The following FBXL20 variants were observed in gnomAD, a reference collection of about 807,000 sequenced individuals.
FBXL20 encodes the protein F-box/LRR-repeat protein 20.
FBXL20 carries 11 observed loss-of-function variants against 64.0 expected under a neutral mutation model. The ratio of observed to expected loss-of-function variants is 0.17; its 90% CI spans 0.11 to 0.28. The LOEUF (loss-of-function observed/expected upper bound fraction) is 0.28, where lower values mean the gene tolerates loss of function less well. Among genes scored for constraint, FBXL20 ranks in the 10% least tolerant of loss-of-function variants. FBXL20 has a pLI of 1.00. For synonymous variants in FBXL20, 184 were observed against 189.0 expected (o/e 0.97, Z 0.22); for missense variants, 303 against 526.2 (o/e 0.58, Z 4.15).
intron 1 of FBXL20, among the ~76,000 whole-genome samples, chr17:39,371,733 TCAC>T (rs978334265): frequency 4.2e-4 from 64 of 151,862 alleles, no homozygotes; most frequent in African/African-American, 1.5e-3. Context: ...TGATCTCGGC[TCAC>T]CACAACCTCC....
intron 1 of FBXL20, among the ~76,000 whole-genome samples, chr17:39,365,370 A>C (rs1286046165): frequency 1.3e-5 from 2 of 152,232 alleles, no homozygotes; most frequent in African/African-American, 4.8e-5. Context: ...TCTTGTCCCT[A>C]GCAGAAATAA....
At chr17:39,362,989 CATTTT>C (rs769602820) in intron 1 of FBXL20, among the ~76,000 whole-genome samples, 149 of 151,974 alleles carry the variant, frequency 9.8e-4, no homozygotes, top group Middle Eastern at 3.4e-3. Context: ...CCCTTTCCTA[CATTTT>C]ATTTATTTAT....
chr17:39,401,878 A>C, upstream of FBXL20: 1 of 392,332 alleles, frequency 2.5e-6, no homozygotes, highest in Non-Finnish European at 4.1e-6. Flanking sequence ...CATCGGGAGA[A>C]GGCGAGGCAG....
At chr17:39,393,605 G>C (rs183901284) in intron 1 of FBXL20, among the ~76,000 whole-genome samples, 1 of 152,228 alleles carries the variant, frequency 6.6e-6, no homozygotes, top group East Asian at 1.9e-4. Context: ...GGACAAAAAT[G>C]ATATATAAAT....
intron 1 of FBXL20, among the ~76,000 whole-genome samples, chr17:39,365,672 C>A (rs2047852748): frequency 6.6e-6 from 1 of 151,976 alleles, no homozygotes; most frequent in African/African-American, 2.4e-5. Flanking sequence ...TTATTTTTTT[C>A]TTTTCAGTAT....
intron 1 of FBXL20, among the ~76,000 whole-genome samples, chr17:39,344,099 T>G (rs12936341): frequency 6.6e-6 from 1 of 152,144 alleles, no homozygotes; most frequent in Admixed American, 6.5e-5. Flanking sequence ...CCTGACCTCG[T>G]GATCCACCCG....
Position 39,264,318 on chromosome 17 carries a change from C to A in FBXL20, c.1060G>T (p.Asp354Tyr). The part of the protein sequence containing the change: ...RHLGNGACAH[D>Y]QLEVIELDNC... The stretch of plus-strand genomic sequence containing the variant: ...TCCAGCTCAATCACCTCCAGCTGGT[C>A]ATGGGCGCAGGCCCCATTCCCCAGG... The change falls in exon 14 of 15, where the codon GAC (aspartate) becomes TAC (tyrosine). Residue 354 changes from aspartate (D) to tyrosine (Y), a missense_variant. Physicochemically the swap from Asp to Tyr is radical, Grantham distance 160 (BLOSUM62 -3). Coordinates refer to ENST00000264658, the MANE Select transcript of FBXL20 (RefSeq NM_032875.3). 1 of 1,614,168 alleles carries A rather than the reference C, an allele frequency of 6.2e-7. No individual in the cohort carries two copies. The highest frequency in any genetic ancestry group is 1.1e-5 in the South Asian group (1 of 91,076).
At chr17:39,363,827 C>CAAAAAAAAAAAACAAAAA (rs1555612706) in intron 1 of FBXL20, among the ~76,000 whole-genome samples, 1 of 78,028 alleles carries the variant, frequency 1.3e-5, no homozygotes, top group Non-Finnish European at 2.4e-5. Flanking sequence ...AAAAAAAAAA[C>CAAAAAAAAAAAACAAAAA]AAAAAACAAA....
At chr17:39,295,806 T>TA (rs202244214) in intron 6 of FBXL20, among the ~76,000 whole-genome samples, 36 of 149,458 alleles carry the variant, frequency 2.4e-4, no homozygotes, top group African/African-American at 5.9e-4. Flanking sequence ...TATATATATA[T>TA]TAAGTCTTCT....
At chr17:39,353,656 C>T (rs2047709785) in intron 1 of FBXL20, among the ~76,000 whole-genome samples, 1 of 150,136 alleles carries the variant, frequency 6.7e-6, no homozygotes, top group African/African-American at 2.4e-5. Flanking sequence ...CAGAGTCTCA[C>T]TCTGTTGCCA....
intron 6 of FBXL20, among the ~76,000 whole-genome samples, chr17:39,294,268 C>G (rs935795106): frequency 6.6e-6 from 1 of 151,786 alleles, no homozygotes; most frequent in Non-Finnish European, 1.5e-5. Context: ...AACCACCACA[C>G]CTGGCTGCTT....
At position 39,253,228 on chromosome 17, in the gene FBXL20, A is replaced by G. The variant is rs1214885882; in HGVS notation, c.*8232T>C. ...TGTCCCTGAGCAGAGTCTGACAGGC[A>G]TGGGTAGTCCTCACAGTTCTCTGAG... On this transcript the variant is annotated 3_prime_UTR_variant, in exon 15 of 15. Transcript: ENST00000264658. The G allele has an allele frequency of 2.6e-5, 4 of 152,422 alleles. No individual in the cohort carries two copies. Among genetic ancestry groups the G allele is most frequent in the Non-Finnish European group, 5.9e-5 (4 of 68,104 alleles). The allele number at this position is 152,422 out of a possible 1,614,324, so 9.4% of individuals were successfully genotyped here. A position where few individuals can be genotyped will look rare whatever the true frequency, so the allele number is the denominator to read the frequency against.
At chr17:39,352,282 C>A (rs1449677129) in intron 1 of FBXL20, among the ~76,000 whole-genome samples, 1 of 152,044 alleles carries the variant, frequency 6.6e-6, no homozygotes, top group Non-Finnish European at 1.5e-5. Flanking sequence ...GTAGTTCCAG[C>A]TACTTGGTAG....
At chr17:39,310,839 G>T (rs2047228458) in intron 2 of FBXL20, among the ~76,000 whole-genome samples, 1 of 152,064 alleles carries the variant, frequency 6.6e-6, no homozygotes, top group South Asian at 2.1e-4. Context: ...ACAAAAATTA[G>T]TCAGGCATGG....
At chr17:39,328,314 A>T (rs1304497433) in intron 2 of FBXL20, among the ~76,000 whole-genome samples, 1 of 151,890 alleles carries the variant, frequency 6.6e-6, no homozygotes, top group Non-Finnish European at 1.5e-5. Context: ...ACTAAAAAAA[A>T]ATACAAGGGC....
At chr17:39,353,684 A>G (rs2047709932) in intron 1 of FBXL20, among the ~76,000 whole-genome samples, 2 of 151,670 alleles carry the variant, frequency 1.3e-5, no homozygotes, top group African/African-American at 4.8e-5. Flanking sequence ...GTGCAGTGGC[A>G]CAATCTTGGC....
chr17:39,275,832 T>C (rs958825728), intron 9 of FBXL20, among the ~76,000 whole-genome samples: 6 of 152,144 alleles, frequency 3.9e-5, no homozygotes, highest in Non-Finnish European at 7.4e-5. Flanking sequence ...TGGATGACAG[T>C]TGCAATATTG....
intron 2 of FBXL20, among the ~76,000 whole-genome samples, chr17:39,335,628 C>T (rs919136161): frequency 2.0e-5 from 3 of 149,674 alleles, no homozygotes; most frequent in Non-Finnish European, 4.4e-5. Context: ...AGAAACAACT[C>T]ACTTCACAGT....
At chr17:39,307,755 G>A (rs916466487) in intron 2 of FBXL20, among the ~76,000 whole-genome samples, 2 of 151,362 alleles carry the variant, frequency 1.3e-5, no homozygotes, top group Non-Finnish European at 2.9e-5. Flanking sequence ...TGGATCACCT[G>A]AGGTCAGGAT....
Sources: gnomAD v4.1 joint callset for allele counts (sites outside exome capture counted in the v4.1 genomes callset) on GRCh38, gnomAD v4.1.1 for gene constraint, MANE v1.5 for transcripts, NCBI Gene and HGNC (gene_info 2026-07-23, HGNC 2026-07-21) for gene names.